Variants in PSD2 observed in about 807,000 individuals in gnomAD.
PSD2 encodes PH and SEC7 domain-containing protein 2.
A neutral mutation model predicts 69.8 loss-of-function variants in PSD2; 38 were observed. The observed-to-expected ratio is 0.54, with a 90% CI of 0.42 to 0.71. The LOEUF is 0.71. PSD2 is among the 30% of genes least tolerant of loss of function. The pLI, the probability that PSD2 is intolerant of heterozygous loss-of-function variation, is 0.00. For synonymous variants in PSD2, 412 were observed against 423.0 expected, an observed-to-expected ratio of 0.97 and a Z score of 0.32; for missense variants, 943 against 1,014.5, an observed-to-expected ratio of 0.93 and a Z score of 0.96.
At chr5:139,789,519 A>G in the PSD2 span, among the ~76,000 whole-genome samples, 10 of 152,374 alleles carry the variant, frequency 6.6e-5, no homozygotes, top group Admixed American at 1.3e-4. Context: ...TCAAGGCTGT[A>G]GTGAGCCGAG....
At chr5:139,798,319 G>T (rs1245188680) in intron 1 of PSD2, among the ~76,000 whole-genome samples, 1 of 152,164 alleles carries the variant, frequency 6.6e-6, no homozygotes, top group Non-Finnish European at 1.5e-5. Context: ...GCCCACAGGT[G>T]AGTCCGTTTC....
chr5:139,777,541 A>G, the PSD2 span, among the ~76,000 whole-genome samples: 3 of 152,202 alleles, frequency 2.0e-5, no homozygotes, highest in African/African-American at 7.2e-5. Flanking sequence ...AGAGAATAAA[A>G]TAATTTTGAT....
chr5:139,804,966 C>G (rs377386241), intron 1 of PSD2, among the ~76,000 whole-genome samples: 2 of 146,706 alleles, frequency 1.4e-5, no homozygotes, highest in African/African-American at 5.1e-5. Context: ...TGTATGTGTG[C>G]GTGTGTGCGT....
At chr5:139,823,894 G>T (rs1760339120) in intron 7 of PSD2, among the ~76,000 whole-genome samples, 3 of 152,238 alleles carry the variant, frequency 2.0e-5, no homozygotes, top group South Asian at 2.1e-4. Flanking sequence ...GGGCTCATGG[G>T]TGCACTGGGG....
intron 1 of PSD2, among the ~76,000 whole-genome samples, chr5:139,796,225 A>AGG (rs1759522201): frequency 6.6e-6 from 1 of 151,182 alleles, no homozygotes. Flanking sequence ...GGCCGGGGAG[A>AGG]GGGGGCGCCG....
rs771231301 is a variant in PSD2 at position 139,809,584 on chromosome 5, C to T, written c.144C>T (p.His48=). The change falls in exon 2 of 15, where the codon CAC becomes CAT. Residue 48 remains histidine, a synonymous_variant. Transcript: ENST00000274710. ...ACAGCAGCCTCTGCAGCCCAGGGCA[C>T]GAGCGAAGGGGCACCCCAGCGGACA... The part of the protein sequence containing the change: ...GLNSSLCSPG[H]ERRGTPADTE... 9.3e-6 allele frequency: 15 copies of T among 1,614,162 alleles called. No homozygotes were observed. Among genetic ancestry groups the T allele is most frequent in the East Asian group, 8.9e-5 (4 of 44,882 alleles).
At chr5:139,804,359 T>A (rs13354234) in intron 1 of PSD2, among the ~76,000 whole-genome samples, 48,260 of 152,006 alleles carry the variant, frequency 0.32, 9,226 homozygotes, top group African/African-American at 0.54. Context: ...CCAATGTTGG[T>A]TGGCAGGTCC....
chr5:139,792,274 G>A (rs1357003906), upstream of PSD2, among the ~76,000 whole-genome samples: 2 of 152,168 alleles, frequency 1.3e-5, no homozygotes, highest in Non-Finnish European at 2.9e-5. Flanking sequence ...CCCCACCTGG[G>A]CCTCAGGCTT....
At chr5:139,787,925 G>A in the PSD2 span, among the ~76,000 whole-genome samples, 1,016 of 152,364 alleles carry the variant, frequency 6.7e-3, 8 homozygotes, top group Non-Finnish European at 0.01. Flanking sequence ...GCGGATAGGA[G>A]ACTTTGAGAA....
chr5:139,822,489 G>A (rs1760295609), intron 6 of PSD2, among the ~76,000 whole-genome samples: 1 of 152,230 alleles, frequency 6.6e-6, no homozygotes, highest in South Asian at 2.1e-4. Context: ...GGCCACAGGA[G>A]GCAGGAGTCT....
At position 139,814,266 on chromosome 5, in the gene PSD2, G is replaced by A. The variant is rs1248760399; in HGVS notation, c.918G>A (p.Gly306=). The part of the protein sequence containing the change: ...EPGSADPLAN[G]CQGVSEAAHR... Reference sequence around the variant, plus strand: ...GTAGTGCAGACCCTCTGGCCAACGGGTGCCAGGGGGTCAGTGAAGCTGCTC... The same window carrying A: ...GTAGTGCAGACCCTCTGGCCAACGGATGCCAGGGGGTCAGTGAAGCTGCTC... The change falls in exon 4 of 15, where the codon GGG becomes GGA. Residue 306 remains glycine, a synonymous_variant. Coordinates refer to ENST00000274710, the MANE Select transcript of PSD2 (RefSeq NM_032289.4). The surrounding 1 kb of genome is among the most constrained non-coding windows in gnomAD (Gnocchi z 4.4). 1.2e-6 allele frequency: 2 copies of A among 1,613,756 alleles called. No homozygotes were observed. The highest frequency in any genetic ancestry group is 1.1e-5 in the South Asian group (1 of 90,996).
At chr5:139,807,044 G>GGGAGGGCGGAGGAC (rs1308040074) in intron 1 of PSD2, among the ~76,000 whole-genome samples, 1 of 152,238 alleles carries the variant, frequency 6.6e-6, no homozygotes, top group East Asian at 1.9e-4. Context: ...GGGCGGAGGG[G>GGGAGGGCGGAGGAC]CTCCCAAGAG....
At chr5:139,766,971 TTCTTTCTTTC>T in the PSD2 span, among the ~76,000 whole-genome samples, 3 of 144,810 alleles carry the variant, frequency 2.1e-5, no homozygotes, top group Non-Finnish European at 3.0e-5. Context: ...CTTTCTTTCT[TTCTTTCTTTC>T]TTTCTTTCTT....
Position 139,837,038 on chromosome 5 carries a change from G to A in PSD2, c.1594+37G>A, listed in dbSNP as rs753251601. ...GCTGGGAGAGGGGCATGGGAGGGAGGCTGGCACAGAGGGGGGCGCCACGGG... is the reference window on the plus strand; with the variant it reads ...GCTGGGAGAGGGGCATGGGAGGGAGACTGGCACAGAGGGGGGCGCCACGGG... On this transcript the variant is annotated intron_variant, in intron 10 of 14. Coordinates refer to ENST00000274710, the MANE Select transcript of PSD2 (RefSeq NM_032289.4). This position sits in a 1 kb window ranked among gnomAD's most constrained non-coding sequence, Gnocchi z 5.0. 4.4e-6 allele frequency: 7 copies of A among 1,601,760 alleles called. No individual in the cohort carries two copies. The highest frequency in any genetic ancestry group is 2.2e-5 in the East Asian group (1 of 44,662).
the PSD2 span, among the ~76,000 whole-genome samples, chr5:139,768,930 C>T: frequency 3.3e-5 from 5 of 152,060 alleles, no homozygotes; most frequent in African/African-American, 1.2e-4. Context: ...TGAACTCATG[C>T]GTTCAGTCAA....
At chr5:139,749,686 T>C in the PSD2 span, among the ~76,000 whole-genome samples, 1 of 152,166 alleles carries the variant, frequency 6.6e-6, no homozygotes, top group Non-Finnish European at 1.5e-5. Flanking sequence ...CTTCCAGTGC[T>C]GGGCACCAAG....
the PSD2 span, among the ~76,000 whole-genome samples, chr5:139,781,484 C>T: frequency 3.7e-3 from 555 of 149,162 alleles, 3 homozygotes; most frequent in African/African-American, 0.011. Context: ...TACAGGTGTC[C>T]GCCACCACGC....
chr5:139,768,648 G>C, the PSD2 span, among the ~76,000 whole-genome samples: 1 of 151,862 alleles, frequency 6.6e-6, no homozygotes, highest in Admixed American at 6.6e-5. Context: ...GCTTGAACCT[G>C]GGAGGCAGAG....
intron 7 of PSD2, among the ~76,000 whole-genome samples, chr5:139,829,781 C>T (rs577119826): frequency 4.6e-4 from 70 of 152,160 alleles, no homozygotes; most frequent in African/African-American, 1.6e-3. Flanking sequence ...TTGTGAATAG[C>T]GCTGCTATGA....
Sources: allele counts gnomAD v4.1 joint callset (sites outside exome capture counted in the v4.1 genomes callset), GRCh38; gene constraint gnomAD v4.1.1; non-coding constraint Gnocchi (gnomAD v3.1); transcripts MANE v1.5; gene names NCBI Gene and HGNC (gene_info 2026-07-23, HGNC 2026-07-21).